Variants in EIF2AK3 observed in about 807,000 individuals in gnomAD.
EIF2AK3 encodes eukaryotic translation initiation factor 2-alpha kinase 3.
In EIF2AK3, 50 loss-of-function variants were observed where a neutral mutation model predicts 113.5. The ratio of observed to expected loss-of-function variants is 0.44; its 90% CI spans 0.35 to 0.56. EIF2AK3 has a LOEUF of 0.56. Among genes scored for constraint, EIF2AK3 ranks in the 20% least tolerant of loss-of-function variants. EIF2AK3 has a pLI of 0.00. For missense variants in EIF2AK3, 1,185 were observed against 1,378.0 expected, an observed-to-expected ratio of 0.86 and a Z score of 2.22; for synonymous variants, 448 against 495.4, an observed-to-expected ratio of 0.90 and a Z score of 1.27.
At chr2:88,626,195 A>G (rs1198198616) in intron 1 of EIF2AK3, among the ~76,000 whole-genome samples, 1 of 152,176 alleles carries the variant, frequency 6.6e-6, no homozygotes, top group Non-Finnish European at 1.5e-5. Context: ...TTGAAGTAAC[A>G]TTTTTTGAAT....
chr2:88,560,358 G>C (rs1370432487), intron 15 of EIF2AK3, among the ~76,000 whole-genome samples: 1 of 152,010 alleles, frequency 6.6e-6, no homozygotes, highest in Non-Finnish European at 1.5e-5. Context: ...GACACTTTTC[G>C]GATATAGGAT....
rs765445450 is a variant in EIF2AK3 at position 88,576,987 on chromosome 2, CT to C, written c.1887-285del. ...AACAGATGAGTTAGCCTAGGTTATACTTTTTTTTTTTTTTGAGACAGGGTCT... is the reference window on the plus strand; with the variant it reads ...AACAGATGAGTTAGCCTAGGTTATACTTTTTTTTTTTTTGAGACAGGGTCT... On this transcript the variant is annotated intron_variant, in intron 11 of 16. Coordinates refer to ENST00000303236, the MANE Select transcript of EIF2AK3 (RefSeq NM_004836.7). Among the ~76,000 whole-genome samples, 1,315 of 143,714 alleles carry C rather than the reference CT, an allele frequency of 9.2e-3. 8 individuals are homozygous for C. The highest frequency in any genetic ancestry group is 0.023 in the African/African-American group (921 of 39,626). 94.3% of individuals were successfully genotyped at this position (143,714 alleles called of 152,430 possible). A position where few individuals can be genotyped will look rare whatever the true frequency, so the allele number is the denominator to read the frequency against.
Position 88,574,698 on chromosome 2 carries a change from G to A in EIF2AK3, c.2785C>T (p.His929Tyr). The A allele has an allele frequency of 6.2e-7, 1 of 1,614,118 alleles. No homozygotes were observed. Among genetic ancestry groups the A allele is most frequent in the Non-Finnish European group, 8.5e-7 (1 of 1,179,998 alleles). Residue 929 changes from histidine (H) to tyrosine (Y), a missense_variant, in exon 13 of 17, where the codon CAC becomes TAC. Coordinates refer to ENST00000303236, the MANE Select transcript of EIF2AK3 (RefSeq NM_004836.7). The part of the protein sequence containing the change: ...LQIAEAVEFL[H>Y]SKGLMHRDLK... Reference sequence around the variant, plus strand: ...TCCCTGTGCATCAGTCCTTTACTGTGAAGAAACTCCACTGCCTCTGCGATC... The same window carrying A: ...TCCCTGTGCATCAGTCCTTTACTGTAAAGAAACTCCACTGCCTCTGCGATC...
chr2:88,558,573 A>C (rs995935882), intron 16 of EIF2AK3, among the ~76,000 whole-genome samples: 3 of 152,172 alleles, frequency 2.0e-5, no homozygotes, highest in Non-Finnish European at 4.4e-5. Context: ...TTTTAATGCA[A>C]CCCTTCATTA....
At chr2:88,586,581 C>T (rs1226733414) in intron 8 of EIF2AK3, among the ~76,000 whole-genome samples, 2 of 146,744 alleles carry the variant, frequency 1.4e-5, no homozygotes, top group Non-Finnish European at 3.0e-5. Context: ...CTACACAGTT[C>T]TCTTTTATCT....
intron 1 of EIF2AK3, among the ~76,000 whole-genome samples, chr2:88,620,604 T>A (rs1675695635): frequency 6.6e-6 from 1 of 152,254 alleles, no homozygotes; most frequent in Admixed American, 6.5e-5. Context: ...TCTTTGCAGA[T>A]CTGTAGGGGT....
intron 10 of EIF2AK3, among the ~76,000 whole-genome samples, chr2:88,580,170 C>T (rs1674564567): frequency 1.3e-5 from 2 of 152,206 alleles, no homozygotes; most frequent in South Asian, 4.1e-4. Context: ...GTACCTACCA[C>T]TGGAGGTACC....
intron 1 of EIF2AK3, among the ~76,000 whole-genome samples, chr2:88,620,771 T>TAC (rs1160259593): frequency 6.6e-6 from 1 of 152,258 alleles, no homozygotes; most frequent in Non-Finnish European, 1.5e-5. Context: ...TCACTCACAC[T>TAC]ACTTTTATGT....
Position 88,575,156 on chromosome 2 carries a change from A to G in EIF2AK3, c.2327T>C (p.Met776Thr). Residue 776 changes from methionine (M) to threonine (T), a missense_variant, in exon 13 of 17, where the codon ATG becomes ACG. By Grantham distance (81) the Met-to-Thr change is moderately conservative. Around this residue, in one of 3 missense-constraint regions of EIF2AK3, gnomAD observed 877 missense variants for 1,024.2 expected, o/e 0.86. Transcript: ENST00000303236. ...LTDCDVEDGT[M>T]DGNDEGHSFE... ...GGAGTGCCCCTCATCATTGCCATCCATAGTCCCATCTTCCACATCACAGTC... is the reference window on the plus strand; with the variant it reads ...GGAGTGCCCCTCATCATTGCCATCCGTAGTCCCATCTTCCACATCACAGTC... 2.5e-6 allele frequency: 4 copies of G among 1,614,030 alleles called. No homozygotes were observed. The highest frequency in any genetic ancestry group is 1.6e-4 in the Middle Eastern group (1 of 6,062).
chr2:88,606,023 A>G (rs1034256462), intron 2 of EIF2AK3, among the ~76,000 whole-genome samples: 1 of 152,216 alleles, frequency 6.6e-6, no homozygotes, highest in African/African-American at 2.4e-5. Flanking sequence ...AAATGTTGAG[A>G]AAAACCTCTG....
intron 4 of EIF2AK3, among the ~76,000 whole-genome samples, chr2:88,591,445 A>G (rs1000048190): frequency 2.6e-5 from 4 of 152,194 alleles, no homozygotes; most frequent in Non-Finnish European, 4.4e-5. Flanking sequence ...ACATTTCATT[A>G]AGTGCAGCAA....
intron 1 of EIF2AK3, among the ~76,000 whole-genome samples, chr2:88,626,519 G>A (rs1240987484): frequency 6.6e-6 from 1 of 152,184 alleles, no homozygotes. Flanking sequence ...CTTGTCCGGG[G>A]GCACTACAGA....
chr2:88,619,415 C>T (rs1675664618), intron 1 of EIF2AK3, among the ~76,000 whole-genome samples: 1 of 152,180 alleles, frequency 6.6e-6, no homozygotes, highest in South Asian at 2.1e-4. Flanking sequence ...GCCCCCAAAC[C>T]TGTACAGGAT....
At chr2:88,582,987 A>G (rs1674635445) in intron 10 of EIF2AK3, among the ~76,000 whole-genome samples, 1 of 152,116 alleles carries the variant, frequency 6.6e-6, no homozygotes, top group Non-Finnish European at 1.5e-5. Flanking sequence ...TAGCTAATCC[A>G]TCTCCCCCTT....
intron 2 of EIF2AK3, among the ~76,000 whole-genome samples, chr2:88,599,275 T>C (rs558570086): frequency 2.6e-5 from 4 of 152,242 alleles, no homozygotes; most frequent in African/African-American, 9.6e-5. Flanking sequence ...TTACCTAATA[T>C]TACCTTAGAG....
intron 2 of EIF2AK3, among the ~76,000 whole-genome samples, chr2:88,605,125 G>C (rs1263601738): frequency 6.6e-6 from 1 of 152,070 alleles, no homozygotes; most frequent in East Asian, 1.9e-4. Context: ...ATGATCCAGG[G>C]CTGCTTACTT....
At position 88,603,476 on chromosome 2, in the gene EIF2AK3, A is replaced by T. The variant is rs146877096; in HGVS notation, c.439-7813T>A. On this transcript the variant is annotated intron_variant, in intron 2 of 16. Coordinates refer to ENST00000303236, the MANE Select transcript of EIF2AK3 (RefSeq NM_004836.7). ...AACTTTCAATAAGACTAACAAATCAAGGAGTTGTTTGAAGAGGCATTTGCA... is the reference window on the plus strand; with the variant it reads ...AACTTTCAATAAGACTAACAAATCATGGAGTTGTTTGAAGAGGCATTTGCA... Among the ~76,000 whole-genome samples the T allele has an allele frequency of 3.3e-5, 5 of 152,342 alleles. No homozygotes were observed. The East Asian group carries it at 9.6e-4, about 29-fold the overall frequency.
rs746892896 is a variant in EIF2AK3, at chr2:88,588,834, G to A, written c.1233C>T (p.Pro411=). 17 of 1,613,676 alleles carry A rather than the reference G, an allele frequency of 1.1e-5. No homozygotes were observed. In the East Asian group the frequency reaches 3.3e-4, roughly 32 times the overall value. ...VRISEKFPSS[P]KALESVTNEN... The stretch of plus-strand genomic sequence containing the variant: ...CATTAGTGACAGATTCCAAAGCCTT[G>A]GGACTTGAAGGAAACTTTTCTGAAA... Residue 411 remains proline, a synonymous_variant, in exon 7 of 17, where the codon CCC becomes CCT. Transcript: ENST00000303236.
rs1465446034 is a variant in EIF2AK3, at chr2:88,590,800, C to G, written c.1002+18G>C. 1 of 1,612,800 alleles carries G rather than the reference C, an allele frequency of 6.2e-7. No individual in the cohort carries two copies. The highest frequency in any genetic ancestry group is 1.7e-5 in the Admixed American group (1 of 60,014). ...GAGAGGAAGAACCGTATTTTAAATC[C>G]TCAGTGGTGTTAGGTACCTGGTACT... On this transcript the variant is annotated intron_variant, in intron 5 of 16. Transcript: ENST00000303236.
Sources: allele counts gnomAD v4.1 joint callset (sites outside exome capture counted in the v4.1 genomes callset), GRCh38; gene constraint gnomAD v4.1.1; regional missense constraint gnomAD v4.1.1; transcripts MANE v1.5; gene names NCBI Gene and HGNC (gene_info 2026-07-23, HGNC 2026-07-21).